Variants in ANKAR observed in about 807,000 individuals in gnomAD.
ANKAR encodes ankyrin and armadillo repeat-containing protein.
Under a neutral mutation model 146.2 loss-of-function variants are expected in ANKAR, and 136 were observed. That is an observed-to-expected ratio of 0.93 (90% confidence interval 0.81 to 1.07). ANKAR has a LOEUF of 1.07. Among genes scored for constraint, ANKAR ranks in the 50% least tolerant of loss-of-function variants. ANKAR has a pLI of 0.00. For missense variants in ANKAR, 1,567 were observed against 1,679.9 expected (o/e 0.93, Z 1.18); for synonymous variants, 500 against 575.8 (o/e 0.87, Z 1.88).
At position 189,743,222 on chromosome 2, in the gene ANKAR, GAT is replaced by G. The variant is rs1351082979; in HGVS notation, c.3811-50_3811-49del. ...ATGAAATAGCTAATTAGAACATTAA[GAT>G]ATTTTAAGAACAAAGCCCACTGGTT... On this transcript the variant is annotated intron_variant, in intron 20 of 22. Transcript: ENST00000684021. 4.5e-6 allele frequency: 7 copies of G among 1,542,518 alleles called. No individual in the cohort carries two copies. The Admixed American group carries it at 1.2e-4, about 28-fold the overall frequency.
intron 20 of ANKAR, among the ~76,000 whole-genome samples, chr2:189,742,984 C>A (rs1316526198): frequency 7.9e-6 from 1 of 126,010 alleles, no homozygotes; most frequent in African/African-American, 3.0e-5. Context: ...ACACACACCC[C>A]TGAAAGGATT....
intron 2 of ANKAR, among the ~76,000 whole-genome samples, chr2:189,678,342 C>G (rs577820009): frequency 6.6e-6 from 1 of 152,020 alleles, no homozygotes; most frequent in African/African-American, 2.4e-5. Context: ...GGATATTAGT[C>G]CTTTGTTGGA....
chr2:189,742,545 T>TA (rs936946922), intron 20 of ANKAR, among the ~76,000 whole-genome samples: 41 of 148,896 alleles, frequency 2.8e-4, no homozygotes, highest in Middle Eastern at 3.6e-3. Context: ...GTCTGAATGT[T>TA]AAAAAAAAAT....
chr2:189,746,367 G>T lies in ANKAR; in HGVS notation c.4058-13G>T, dbSNP rs1458933958. On this transcript the variant is annotated splice_polypyrimidine_tract_variant and intron_variant, in intron 22 of 22. Coordinates refer to ENST00000684021, the MANE Select transcript of ANKAR (RefSeq NM_001378068.1). ...GCTCTCAGGAGAGACATTTAATTGT[G>T]GCTAATTTTTAGGGAAGGAGCACCG... 3 of 1,594,568 alleles carry T rather than the reference G, an allele frequency of 1.9e-6. No homozygotes were observed. Among genetic ancestry groups the T allele is most frequent in the African/African-American group, 2.7e-5 (2 of 73,524 alleles).
At chr2:189,760,620 G>A (rs1472786223) in intron 18 of ANKAR, among the ~76,000 whole-genome samples, 4 of 151,914 alleles carry the variant, frequency 2.6e-5, no homozygotes, top group African/African-American at 4.8e-5. Context: ...GTGAAACCCC[G>A]TCTCTACTAA....
chr2:189,736,364 T>A (rs924788234), intron 17 of ANKAR, among the ~76,000 whole-genome samples: 1 of 152,028 alleles, frequency 6.6e-6, no homozygotes, highest in Non-Finnish European at 1.5e-5. Flanking sequence ...TCATTTCCCA[T>A]TGCCACTCTT....
At chr2:189,746,688 T>C (rs2254166), downstream of ANKAR, 1,477,792 of 1,483,260 alleles carry the variant, frequency 1, 736,316 homozygotes, top group East Asian at 1. Flanking sequence ...TTATTTTTAA[T>C]AATGGTAATA....
chr2:189,692,678 A>C (rs947141800), intron 4 of ANKAR: 6 of 332,514 alleles, frequency 1.8e-5, no homozygotes, highest in Non-Finnish European at 3.2e-5. Flanking sequence ...AAAGACTTCT[A>C]ATGGACTATA....
rs1435125903 is a variant in ANKAR, at chr2:189,706,299, A to G, written c.1911-639A>G. ...CTACTCAAGAGGCTGAGGCATGAGA[A>G]TCACTTGAACCGAGAGGCAGAGCCT... On this transcript the variant is annotated intron_variant, in intron 8 of 22. Transcript: ENST00000684021. 2.6e-5 allele frequency among the ~76,000 whole-genome samples: 4 copies of G among 152,016 alleles called. No homozygotes were observed. In the East Asian group the frequency reaches 7.8e-4, roughly 30 times the overall value.
downstream of ANKAR, chr2:189,750,571 G>C: frequency 6.6e-7 from 1 of 1,512,074 alleles, no homozygotes; most frequent in Non-Finnish European, 9.1e-7. Context: ...TTTTTGAACA[G>C]CAGAAATCAT....
chr2:189,719,136 T>C (rs115689665), intron 10 of ANKAR, among the ~76,000 whole-genome samples: 1,581 of 152,324 alleles, frequency 0.01, 35 homozygotes, highest in African/African-American at 0.036. Context: ...CACTTTTTGT[T>C]TTTCACATCC....
At chr2:189,697,999 A>G (rs1388320776) in intron 7 of ANKAR, among the ~76,000 whole-genome samples, 1 of 152,100 alleles carries the variant, frequency 6.6e-6, no homozygotes, top group East Asian at 1.9e-4. Context: ...TTTTGTTCTT[A>G]TTCATATGAG....
At chr2:189,762,761 G>T (rs369316131), downstream of ANKAR, 1 of 985,400 alleles carries the variant, frequency 1.0e-6, no homozygotes. Flanking sequence ...ATCGCTGCAG[G>T]AGAAAGCCCG....
At chr2:189,702,302 G>A (rs2038187586) in intron 7 of ANKAR, among the ~76,000 whole-genome samples, 1 of 152,150 alleles carries the variant, frequency 6.6e-6, no homozygotes, top group Admixed American at 6.5e-5. Flanking sequence ...AATATTCACT[G>A]TGAGGACTTG....
chr2:189,749,244 T>TAAAAAA (rs397987026), downstream of ANKAR, among the ~76,000 whole-genome samples: 2 of 63,266 alleles, frequency 3.2e-5, no homozygotes, highest in African/African-American at 6.5e-5. Flanking sequence ...AGACTCTGTC[T>TAAAAAA]AAAAAAAAAA....
chr2:189,761,614 T>A (rs373719045), downstream of ANKAR: 8 of 1,604,444 alleles, frequency 5.0e-6, no homozygotes, highest in East Asian at 1.8e-4. Flanking sequence ...TAAAAAAAAC[T>A]CCTGCAGTCT....
At chr2:189,751,499 C>T (rs2045224872), downstream of ANKAR, among the ~76,000 whole-genome samples, 2 of 140,610 alleles carry the variant, frequency 1.4e-5, no homozygotes, top group Admixed American at 7.6e-5. Flanking sequence ...GGCTGGAGTG[C>T]AGTGGCGTGA....
chr2:189,716,595 A>T (rs1559108863), intron 10 of ANKAR, among the ~76,000 whole-genome samples: 2 of 150,854 alleles, frequency 1.3e-5, no homozygotes, highest in Admixed American at 1.3e-4. Context: ...ACTACTTTAA[A>T]GTTCATATGG....
chr2:189,689,103 G>A (rs1417663735), intron 2 of ANKAR, among the ~76,000 whole-genome samples: 1 of 152,118 alleles, frequency 6.6e-6, no homozygotes, highest in Non-Finnish European at 1.5e-5. Flanking sequence ...TTAAGTAGAG[G>A]GGTTTGTGAC....
Sources: gnomAD v4.1 joint callset for allele counts (sites outside exome capture counted in the v4.1 genomes callset) on GRCh38, gnomAD v4.1.1 for gene constraint, MANE v1.5 for transcripts, NCBI Gene and HGNC (gene_info 2026-07-23, HGNC 2026-07-21) for gene names.